NME7: variants seen among roughly 807,000 people sequenced by gnomAD.
NME7 encodes the protein NME/NM23 family member 7, also known as nucleoside diphosphate kinase 7.
Under a neutral mutation model 49.1 loss-of-function variants are expected in NME7, and 41 were observed. The observed-to-expected ratio is 0.83, with a 90% confidence interval of 0.65 to 1.08. The LOEUF is 1.08. NME7 is among the 50% of genes least tolerant of loss of function. NME7 has a pLI of 0.00. For synonymous variants in NME7, 139 were observed against 150.6 expected (o/e 0.92, Z 0.56); for missense variants, 423 against 463.4 (o/e 0.91, Z 0.80).
At chr1:169,201,492 G>T (rs1050712901) in intron 10 of NME7, among the ~76,000 whole-genome samples, 1 of 152,046 alleles carries the variant, frequency 6.6e-6, no homozygotes, top group African/African-American at 2.4e-5. Context: ...TAAAACAGTC[G>T]GGAAGTGATG....
chr1:169,271,732 A>G (rs555274037), intron 7 of NME7, among the ~76,000 whole-genome samples: 1 of 133,134 alleles, frequency 7.5e-6, no homozygotes, highest in Non-Finnish European at 1.8e-5. Context: ...CTGCTCTCTT[A>G]TCAGCAACTC....
rs1424333657 is a variant in NME7 at position 169,256,184 on chromosome 1, A to T, written c.755-18497T>A. Among the ~76,000 whole-genome samples, 2 of 133,096 alleles carry T rather than the reference A, an allele frequency of 1.5e-5. 1 individual carries two copies. Among genetic ancestry groups the T allele is most frequent in the Non-Finnish European group, 3.5e-5 (2 of 56,694 alleles). 87.3% of individuals were successfully genotyped at this position (133,096 alleles called of 152,430 possible). A position where few individuals can be genotyped will look rare whatever the true frequency, so the allele number is the denominator to read the frequency against. ...TTTCCAACTTGGTTCCATTCTCCCC[A>T]TCACTTTCAGGTACACCAATCAGAC... On this transcript the variant is annotated intron_variant, in intron 7 of 11. Transcript: ENST00000367811.
In NME7 at chr1:169,154,796, TA is replaced by T. The variant is rs762299673; in HGVS notation, c.1098+14650del. Among the ~76,000 whole-genome samples the T allele has an allele frequency of 9.8e-3, 1,318 of 134,472 alleles. 13 individuals carry two copies. The highest frequency in any genetic ancestry group is 0.025 in the African/African-American group (904 of 36,686). 88.2% of individuals were successfully genotyped at this position (134,472 alleles called of 152,430 possible). A position where few individuals can be genotyped will look rare whatever the true frequency, so the allele number is the denominator to read the frequency against. Reference sequence around the variant, plus strand: ...CTGGGCGACAGAGCAAGACTCTGTCTAAAAAAAAAAAAAAAATCAGAATTTT... The same window carrying T: ...CTGGGCGACAGAGCAAGACTCTGTCTAAAAAAAAAAAAAAATCAGAATTTT... On this transcript the variant is annotated intron_variant, in intron 11 of 11. Transcript: ENST00000367811.
At chr1:169,215,345 G>A (rs1288545149) in intron 10 of NME7, among the ~76,000 whole-genome samples, 1 of 152,074 alleles carries the variant, frequency 6.6e-6, no homozygotes, top group African/African-American at 2.4e-5. Context: ...TTTGAAAAAG[G>A]CAACATTCAA....
intron 11 of NME7, among the ~76,000 whole-genome samples, chr1:169,161,456 C>A (rs1463479108): frequency 6.6e-6 from 1 of 152,200 alleles, no homozygotes; most frequent in Admixed American, 6.5e-5. Flanking sequence ...CACCATGCAC[C>A]TATGTTTATT....
chr1:169,245,484 C>T (rs548800735), intron 7 of NME7, among the ~76,000 whole-genome samples: 63 of 152,056 alleles, frequency 4.1e-4, no homozygotes, highest in South Asian at 2.7e-3. Context: ...TAAAACGAAA[C>T]GATTTTTAAA....
intron 7 of NME7, among the ~76,000 whole-genome samples, chr1:169,258,401 T>TAC (rs1209836624): frequency 4.4e-5 from 3 of 68,554 alleles, no homozygotes; most frequent in African/African-American, 1.7e-4. Flanking sequence ...TATATATATA[T>TAC]ATATACACAC....
At chr1:169,168,515 T>C (rs566600024) in intron 11 of NME7, among the ~76,000 whole-genome samples, 1 of 152,302 alleles carries the variant, frequency 6.6e-6, no homozygotes, top group Non-Finnish European at 1.5e-5. Context: ...TACTGTGGCC[T>C]TGAACTCCTG....
At chr1:169,324,535 A>T in intron 1 of NME7, 35 bp from the exon 2 acceptor site, 1 of 1,306,414 alleles carries the variant, frequency 7.7e-7, no homozygotes. Context: ...TAACACTAAC[A>T]TATAAAGAAC....
chr1:169,202,246 G>A (rs759202134), intron 10 of NME7, among the ~76,000 whole-genome samples: 11 of 152,140 alleles, frequency 7.2e-5, no homozygotes, highest in Non-Finnish European at 1.0e-4. Flanking sequence ...CATGGGGGCA[G>A]ATCCCTCATG....
chr1:169,168,878 A>G (rs1185735199), intron 11 of NME7: 7 of 456,262 alleles, frequency 1.5e-5, no homozygotes, highest in South Asian at 1.1e-4. Flanking sequence ...TCAAATTGTC[A>G]CAAATCTCCA....
chr1:169,244,802 T>A (rs1332045878), intron 7 of NME7, among the ~76,000 whole-genome samples: 1 of 152,016 alleles, frequency 6.6e-6, no homozygotes, highest in East Asian at 1.9e-4. Context: ...GATGTTAAGG[T>A]CTTTCCTGGC....
intron 7 of NME7, among the ~76,000 whole-genome samples, chr1:169,245,485 G>A (rs768317467): frequency 1.3e-5 from 2 of 152,066 alleles, no homozygotes; most frequent in Non-Finnish European, 2.9e-5. Flanking sequence ...AAAACGAAAC[G>A]ATTTTTAAAA....
intron 4 of NME7, 171 bp from the exon 5 acceptor site, chr1:169,303,366 T>G: frequency 2.8e-6 from 1 of 354,682 alleles, no homozygotes; most frequent in South Asian, 8.6e-5. Context: ...AAAATATTTT[T>G]TAAGTATGAG....
intron 1 of NME7, among the ~76,000 whole-genome samples, chr1:169,353,237 TC>T (rs1369480513): frequency 6.6e-6 from 1 of 151,666 alleles, no homozygotes; most frequent in Non-Finnish European, 1.5e-5. Flanking sequence ...CTGAAACAAA[TC>T]CATACATCTA....
At chr1:169,284,589 T>C (rs1354708744) in intron 7 of NME7, 1 of 152,192 alleles carries the variant, frequency 6.6e-6, no homozygotes, top group Non-Finnish European at 1.5e-5. Context: ...TTAGTTTAAT[T>C]AGATCCAATC....
intron 7 of NME7, among the ~76,000 whole-genome samples, chr1:169,278,153 C>T (rs1364098682): frequency 6.6e-6 from 1 of 150,804 alleles, no homozygotes; most frequent in Non-Finnish European, 1.5e-5. Context: ...GTGAATCTGA[C>T]AATTATATGT....
intron 3 of NME7, among the ~76,000 whole-genome samples, chr1:169,315,584 A>T (rs967830606): frequency 6.6e-6 from 1 of 152,094 alleles, no homozygotes. Flanking sequence ...CTTTTCTAAC[A>T]CACATAGATC....
chr1:169,144,753 C>A (rs888410624), intron 11 of NME7, among the ~76,000 whole-genome samples: 19 of 152,148 alleles, frequency 1.2e-4, no homozygotes, highest in Admixed American at 4.6e-4. Context: ...AGAAGCCAGG[C>A]ACTGTGGCGT....
Sources: gnomAD v4.1 joint callset for allele counts (sites outside exome capture counted in the v4.1 genomes callset) on GRCh38, gnomAD v4.1.1 for gene constraint, MANE v1.5 for transcripts, NCBI Gene and HGNC (gene_info 2026-07-23, HGNC 2026-07-21) for gene names.